ZNF641: variants seen among roughly 807,000 people sequenced by gnomAD.
ZNF641 encodes zinc finger protein 641.
Under a neutral mutation model 46.2 loss-of-function variants are expected in ZNF641, and 26 were observed. The ratio of observed to expected loss-of-function variants is 0.56; its 90% CI spans 0.41 to 0.78. ZNF641 has a LOEUF of 0.78. Among genes scored for constraint, ZNF641 ranks in the 30% least tolerant of loss-of-function variants. The pLI is 0.00. For missense variants in ZNF641, 469 were observed against 517.8 expected (o/e 0.91, Z 0.91); for synonymous variants, 163 against 187.9 (o/e 0.87, Z 1.09).
chr12:48,344,434 G>A (rs1952806415), intron 5 of ZNF641, 165 bp downstream of exon 5: 2 of 473,948 alleles, frequency 4.2e-6, no homozygotes, highest in African/African-American at 2.0e-5. Flanking sequence ...AATCCACAAA[G>A]TGCCTGCTAC....
At chr12:48,344,472 G>T in intron 5 of ZNF641, 127 bp downstream of exon 5, 1 of 579,554 alleles carries the variant, frequency 1.7e-6, no homozygotes. Context: ...CCTTGCTTTT[G>T]AAGAAAAAAA....
chr12:48,341,951 C>A lies in ZNF641; in HGVS notation c.*1022G>T, dbSNP rs542611425. ...TTCCTGTCTTGAAACAAAGAAAAAACCCCATATAATCCCCACTACCCTCAT... is the reference window on the plus strand; with the variant it reads ...TTCCTGTCTTGAAACAAAGAAAAAAACCCATATAATCCCCACTACCCTCAT... On this transcript the variant is annotated 3_prime_UTR_variant, in exon 6 of 6. Transcript: ENST00000547026. 4.4e-4 allele frequency: 429 copies of A among 985,380 alleles called. No individual in the cohort carries two copies. In the African/African-American group the frequency reaches 6.9e-3, roughly 16 times the overall value. The allele number at this position is 985,380 out of a possible 1,614,324, so 61.0% of individuals were successfully genotyped here.
In ZNF641 at chr12:48,342,520, C is replaced by A. The variant is rs2732480; in HGVS notation, c.*453G>T. ...TTTAGGAAACACTGCCTTAATAGAACCTTCAGTTGGGTCTACTGCAGAAAT... is the reference window on the plus strand; with the variant it reads ...TTTAGGAAACACTGCCTTAATAGAAACTTCAGTTGGGTCTACTGCAGAAAT... On this transcript the variant is annotated 3_prime_UTR_variant, in exon 6 of 6. Coordinates refer to ENST00000547026, the MANE Select transcript of ZNF641 (RefSeq NM_001172681.2). 0.42 allele frequency: 336,748 copies of A among 806,704 alleles called. 71,807 individuals carry two copies. Among genetic ancestry groups the A allele is most frequent in the Non-Finnish European group, 0.43 (285,472 of 663,922 alleles). The allele number at this position is 806,704 out of a possible 1,614,324, so 50.0% of individuals were successfully genotyped here.
chr12:48,347,868 C>T lies in ZNF641; in HGVS notation c.184+39G>A, dbSNP rs1952923123. On this transcript the variant is annotated intron_variant, in intron 2 of 5. Transcript: ENST00000547026. ...TACTTTTGGAATAAATATTAGGAGA[C>T]TATGCACTGTGCTTCCCACACACTC... The T allele has an allele frequency of 3.1e-6, 5 of 1,588,864 alleles. No homozygotes were observed. The East Asian group carries it at 1.1e-4, about 36-fold the overall frequency.
rs1952710631 is a variant in ZNF641 at position 48,341,310 on chromosome 12, C to T, written c.*1663G>A. 2 of 985,454 alleles carry T rather than the reference C, an allele frequency of 2.0e-6. No homozygotes were observed. The highest frequency in any genetic ancestry group is 1.7e-5 in the African/African-American group (1 of 57,360). The allele number at this position is 985,454 out of a possible 1,614,324, so 61.0% of individuals were successfully genotyped here. ...AGAGAAAATATCCCACTTTGCTCCT[C>T]TTCCTCCCTAACCCCGAACTGCTCT... is the stretch of plus-strand genomic sequence containing the variant. On this transcript the variant is annotated 3_prime_UTR_variant, in exon 6 of 6. Transcript: ENST00000547026.
intron 3 of ZNF641, 128 bp from the exon 4 acceptor site, chr12:48,345,602 C>A: frequency 1.7e-6 from 2 of 1,167,322 alleles, no homozygotes; most frequent in Non-Finnish European, 2.4e-6. Flanking sequence ...CCCAGAAGTC[C>A]CTGGGTAGGG....
Position 48,341,020 on chromosome 12 carries a change from G to T in ZNF641, c.*1953C>A. 2.0e-6 allele frequency: 2 copies of T among 985,474 alleles called. No homozygotes were observed. Among genetic ancestry groups the T allele is most frequent in the Non-Finnish European group, 2.4e-6 (2 of 829,952 alleles). The allele number at this position is 985,474 out of a possible 1,614,324, so 61.0% of individuals were successfully genotyped here. On this transcript the variant is annotated 3_prime_UTR_variant, in exon 6 of 6. Coordinates refer to ENST00000547026, the MANE Select transcript of ZNF641 (RefSeq NM_001172681.2). ...CCAGGAAGAATGAAGGAAGAAGGAA[G>T]GCTGCTCACAGTAGCAGAAGGGAGG...
At chr12:48,347,196 A>G in intron 3 of ZNF641, 56 bp downstream of exon 3, 1 of 1,613,174 alleles carries the variant, frequency 6.2e-7, no homozygotes, top group Non-Finnish European at 8.5e-7. Context: ...ATGCGAAAGC[A>G]ATACAAAGGC....
In ZNF641 at chr12:48,350,811, G is replaced by C; in HGVS notation, c.-51C>G. On this transcript the variant is annotated 5_prime_UTR_variant, in exon 1 of 6. Transcript: ENST00000547026. ...CCCCGGTAGGCTTGGCCCGCGGCCCGGTGCCTCCCTCCCGGGCGCCGCCTG... is the reference window on the plus strand; with the variant it reads ...CCCCGGTAGGCTTGGCCCGCGGCCCCGTGCCTCCCTCCCGGGCGCCGCCTG... 1.0e-6 allele frequency: 1 copy of C among 984,654 alleles called. No individual in the cohort carries two copies. Among genetic ancestry groups the C allele is most frequent in the Non-Finnish European group, 1.2e-6 (1 of 829,284 alleles). The allele number at this position is 984,654 out of a possible 1,614,324, so 61.0% of individuals were successfully genotyped here.
intron 1 of ZNF641, among the ~76,000 whole-genome samples, chr12:48,349,620 AG>A: frequency 6.6e-6 from 1 of 152,224 alleles, no homozygotes; most frequent in East Asian, 1.9e-4. Context: ...AGAAGTCCAA[AG>A]ATGGCTCAGG....
chr12:48,344,348 C>A (rs1952804097), intron 5 of ZNF641: 1 of 292,880 alleles, frequency 3.4e-6, no homozygotes, highest in Admixed American at 4.6e-5. Context: ...TTAATTTTCA[C>A]AATAATTTAC....
At position 48,339,842 on chromosome 12, in the gene ZNF641, G is replaced by T. The variant is rs773921648; in HGVS notation, c.*3131C>A. On this transcript the variant is annotated 3_prime_UTR_variant, in exon 6 of 6. Transcript: ENST00000547026. ...TTCCTTCCACAATTAGAACTAAGGC[G>T]TAAAGTGTAAATAGCCTGGTGAAAA... is the stretch of plus-strand genomic sequence containing the variant. 5.0e-6 allele frequency: 4 copies of T among 792,090 alleles called. No homozygotes were observed. Among genetic ancestry groups the T allele is most frequent in the Non-Finnish European group, 6.1e-6 (4 of 653,262 alleles). 49.1% of individuals were successfully genotyped at this position (792,090 alleles called of 1,614,324 possible). A position where few individuals can be genotyped will look rare whatever the true frequency, so the allele number is the denominator to read the frequency against.
In ZNF641 at chr12:48,340,072, G is replaced by A. The variant is rs778747902; in HGVS notation, c.*2901C>T. The A allele has an allele frequency of 6.1e-6, 6 of 985,418 alleles. No homozygotes were observed. The highest frequency in any genetic ancestry group is 7.2e-6 in the Non-Finnish European group (6 of 829,924). 61.0% of individuals were successfully genotyped at this position (985,418 alleles called of 1,614,324 possible). On this transcript the variant is annotated 3_prime_UTR_variant, in exon 6 of 6. Coordinates refer to ENST00000547026, the MANE Select transcript of ZNF641 (RefSeq NM_001172681.2). ...ATTTAAAGGGGACGGGGTGAAACAT[G>A]AACATTTGAGGCTGATTCCCTGTGG...
rs1368349283 is a variant in ZNF641 at position 48,337,837 on chromosome 12, A to T, written c.*5136T>A. 1 of 152,168 alleles carries T rather than the reference A, an allele frequency of 6.6e-6. No individual in the cohort carries two copies. The highest frequency in any genetic ancestry group is 1.9e-4 in the East Asian group (1 of 5,182). The allele number at this position is 152,168 out of a possible 1,614,324, so 9.4% of individuals were successfully genotyped here. A position where few individuals can be genotyped will look rare whatever the true frequency, so the allele number is the denominator to read the frequency against. ...GAGCAAGACTCCATCTCAAAAAAAA[A>T]AAAAGAGAGAGTTTGATTCTCAGGA... On this transcript the variant is annotated 3_prime_UTR_variant, in exon 6 of 6. Transcript: ENST00000547026.
intron 5 of ZNF641, 55 bp downstream of exon 5, chr12:48,344,544 T>C (rs766577793): frequency 2.4e-5 from 28 of 1,156,432 alleles, no homozygotes; most frequent in African/African-American, 4.6e-5. Flanking sequence ...GAACATGGAA[T>C]GATGATGTCC....
In ZNF641 at chr12:48,341,975, A is replaced by C; in HGVS notation, c.*998T>G. Reference sequence around the variant, plus strand: ...ACCCCATATAATCCCCACTACCCTCATCCCCAGAACACAGCCCCTAGAAAA... The same window carrying C: ...ACCCCATATAATCCCCACTACCCTCCTCCCCAGAACACAGCCCCTAGAAAA... On this transcript the variant is annotated 3_prime_UTR_variant, in exon 6 of 6. Transcript: ENST00000547026. 1 of 985,428 alleles carries C rather than the reference A, an allele frequency of 1.0e-6. No homozygotes were observed. 61.0% of individuals were successfully genotyped at this position (985,428 alleles called of 1,614,324 possible). A position where few individuals can be genotyped will look rare whatever the true frequency, so the allele number is the denominator to read the frequency against.
In ZNF641 at chr12:48,340,932, C is replaced by T; in HGVS notation, c.*2041G>A. 2 of 985,462 alleles carry T rather than the reference C, an allele frequency of 2.0e-6. No homozygotes were observed. Among genetic ancestry groups the T allele is most frequent in the Non-Finnish European group, 2.4e-6 (2 of 829,970 alleles). The allele number at this position is 985,462 out of a possible 1,614,324, so 61.0% of individuals were successfully genotyped here. On this transcript the variant is annotated 3_prime_UTR_variant, in exon 6 of 6. Transcript: ENST00000547026. ...CTGTTTCTGAGAAGCTAGGGCAAGA[C>T]CTGCCTTACAAAGACCAGCCATTTT...
chr12:48,345,154 C>G (rs1952832579), intron 4 of ZNF641, among the ~76,000 whole-genome samples, 191 bp downstream of exon 4: 1 of 145,436 alleles, frequency 6.9e-6, no homozygotes, highest in Non-Finnish European at 1.5e-5. Context: ...TGCTTTTTTA[C>G]TTTTTTTTTT....
chr12:48,345,728 C>A (rs556672656), intron 3 of ZNF641, among the ~76,000 whole-genome samples: 1 of 152,284 alleles, frequency 6.6e-6, no homozygotes, highest in South Asian at 2.1e-4. Context: ...AAGCTGGAGG[C>A]ACCATAAACT....
Sources: allele counts gnomAD v4.1 joint callset (sites outside exome capture counted in the v4.1 genomes callset), GRCh38; gene constraint gnomAD v4.1.1; transcripts MANE v1.5; gene names NCBI Gene and HGNC (gene_info 2026-07-23, HGNC 2026-07-21).